RANGAP1: variants seen among roughly 807,000 people sequenced by gnomAD.
RANGAP1 encodes the protein Ran GTPase activating protein 1, also known as ran GTPase-activating protein 1.
RANGAP1 carries 38 observed loss-of-function variants against 63.5 expected under a neutral mutation model. That is an observed-to-expected ratio of 0.60 (90% CI 0.46 to 0.78). The LOEUF (loss-of-function observed/expected upper bound fraction) is 0.78, where lower values mean the gene tolerates loss of function less well. RANGAP1 is among the 30% of genes least tolerant of loss of function. RANGAP1 has a pLI of 0.00. For missense variants in RANGAP1, 630 were observed against 740.3 expected (o/e 0.85, Z 1.73); for synonymous variants, 329 against 310.5 (o/e 1.06, Z -0.63).
chr22:41,251,039 G>A lies in RANGAP1; in HGVS notation c.1451C>T (p.Ala484Val), dbSNP rs779219249. The A allele has an allele frequency of 2.5e-6, 4 of 1,614,058 alleles. No individual in the cohort carries two copies. In the African/African-American group the frequency reaches 4.0e-5, roughly 16 times the overall value. The change falls in exon 13 of 16, where the codon GCT (alanine) becomes GTT (valine). Residue 484 changes from alanine (A) to valine (V), a missense_variant. Ala to Val is a moderately conservative substitution (Grantham distance 64, BLOSUM62 0). This residue lies in a region of RANGAP1 where 428 missense variants were observed against 465.5 expected (regional missense o/e 0.92). Transcript: ENST00000356244. ...ATCCTGCACTGCCATCCTCACAGTA[G>A]CTTCGTCCTTGAACACAGATGACAC... ...LKVSSVFKDEATVRMAVQDAV... is the reference protein window; with the variant it reads ...LKVSSVFKDEVTVRMAVQDAV...
At chr22:41,270,998 A>T (rs1456736971) in intron 3 of RANGAP1, among the ~76,000 whole-genome samples, 1 of 151,848 alleles carries the variant, frequency 6.6e-6, no homozygotes. Context: ...GATTTAGCTG[A>T]CTCCAGCCAT....
At chr22:41,269,808 T>C (rs1196769518) in intron 3 of RANGAP1, among the ~76,000 whole-genome samples, 2 of 150,650 alleles carry the variant, frequency 1.3e-5, no homozygotes, top group African/African-American at 2.4e-5. Flanking sequence ...ATATTTAAGG[T>C]GATGGATACC....
At chr22:41,282,092 C>T (rs1439306591) in intron 1 of RANGAP1, 2 of 152,132 alleles carry the variant, frequency 1.3e-5, no homozygotes, top group Non-Finnish European at 2.9e-5. Context: ...CCACTGCACT[C>T]TAGCCTGGGT....
At chr22:41,247,580 G>A (rs1008648626) in intron 15 of RANGAP1, among the ~76,000 whole-genome samples, 4 of 152,132 alleles carry the variant, frequency 2.6e-5, no homozygotes, top group Admixed American at 6.6e-5. Context: ...TTGAACTCCC[G>A]GGCTCAAGTG....
At chr22:41,283,877 A>T (rs748737978) in intron 1 of RANGAP1, among the ~76,000 whole-genome samples, 2 of 145,578 alleles carry the variant, frequency 1.4e-5, no homozygotes, top group Non-Finnish European at 3.0e-5. Context: ...ACATTTTGAC[A>T]GGATCACTCT....
At chr22:41,283,810 A>G (rs781517126) in intron 1 of RANGAP1, among the ~76,000 whole-genome samples, 6 of 152,238 alleles carry the variant, frequency 3.9e-5, no homozygotes, top group Non-Finnish European at 5.9e-5. Context: ...GGCTTTCGCT[A>G]TAAGTGACAA....
chr22:41,268,088 T>C lies in RANGAP1; in HGVS notation c.300+9A>G. ...GCGCGTGGAGGGGAAGAGCGGCTAG[T>C]TCGCTTACCAGGGCTGGTGGGATCT... On this transcript the variant is annotated intron_variant, in intron 4 of 15. Coordinates refer to ENST00000356244, the MANE Select transcript of RANGAP1 (RefSeq NM_002883.4). 3 of 1,542,528 alleles carry C rather than the reference T, an allele frequency of 1.9e-6. No homozygotes were observed. The highest frequency in any genetic ancestry group is 8.8e-7 in the Non-Finnish European group (1 of 1,136,822).
At chr22:41,293,152 G>A in the RANGAP1 span, among the ~76,000 whole-genome samples, 1 of 150,670 alleles carries the variant, frequency 6.6e-6, no homozygotes, top group Non-Finnish European at 1.5e-5. Flanking sequence ...GGAGAATGGC[G>A]TGAACCCGGG....
chr22:41,289,649 A>G (rs946204151), upstream of RANGAP1, among the ~76,000 whole-genome samples: 1 of 152,114 alleles, frequency 6.6e-6, no homozygotes, highest in Non-Finnish European at 1.5e-5. Flanking sequence ...CACTGTTTCC[A>G]AGCAACACAC....
chr22:41,249,690 C>A (rs2033301828), intron 14 of RANGAP1, 39 bp downstream of exon 14: 1 of 1,584,620 alleles, frequency 6.3e-7, no homozygotes, highest in African/African-American at 1.3e-5. Flanking sequence ...CAGACCCCAC[C>A]CACCTCCCTC....
chr22:41,273,766 C>CAAAAAAAAAAAAA (rs71200678), intron 3 of RANGAP1, among the ~76,000 whole-genome samples: 356 of 24,358 alleles, frequency 0.015, 102 homozygotes, highest in Middle Eastern at 0.14. Context: ...GACTCCATCT[C>CAAAAAAAAAAAAA]AAAAAAAAAA....
At chr22:41,260,280 G>C (rs1388742723) in intron 6 of RANGAP1, among the ~76,000 whole-genome samples, 4 of 152,072 alleles carry the variant, frequency 2.6e-5, no homozygotes, top group Non-Finnish European at 5.9e-5. Flanking sequence ...CACAACCACA[G>C]CGCACCCCCT....
chr22:41,258,187 A>AGGCACAGGAATGGGCTGCCGCC, intron 6 of RANGAP1, 81 bp from the exon 7 acceptor site: 1 of 1,475,226 alleles, frequency 6.8e-7, no homozygotes, highest in East Asian at 2.4e-5. Flanking sequence ...TCCACACAGC[A>AGGCACAGGAATGGGCTGCCGCC]GGCACAGGAA....
At chr22:41,248,127 C>G (rs1352956878) in intron 15 of RANGAP1, among the ~76,000 whole-genome samples, 2 of 137,532 alleles carry the variant, frequency 1.5e-5, no homozygotes, top group African/African-American at 5.4e-5. Context: ...GGGCAAAGCT[C>G]GGCACTGCAG....
At chr22:41,250,722 C>T (rs535014462) in intron 13 of RANGAP1, among the ~76,000 whole-genome samples, 1 of 152,160 alleles carries the variant, frequency 6.6e-6, no homozygotes, top group Non-Finnish European at 1.5e-5. Flanking sequence ...GTCCATTGGG[C>T]TTGCAGATGT....
At chr22:41,252,193 G>A (rs901638363) in intron 12 of RANGAP1, among the ~76,000 whole-genome samples, 4 of 151,892 alleles carry the variant, frequency 2.6e-5, no homozygotes, top group African/African-American at 9.7e-5. Context: ...TTAGCTGGGC[G>A]CGGGAGGCTG....
chr22:41,281,793 AGCC>A (rs1426693581), intron 1 of RANGAP1: 1 of 266,624 alleles, frequency 3.8e-6, no homozygotes, highest in Non-Finnish European at 5.8e-6. Flanking sequence ...GGGGTTGATA[AGCC>A]TCACTATTTA....
chr22:41,287,659 C>A (rs1188862351), upstream of RANGAP1, among the ~76,000 whole-genome samples: 7 of 146,378 alleles, frequency 4.8e-5, no homozygotes, highest in African/African-American at 1.8e-4. Flanking sequence ...GACCTTGTCT[C>A]AAAAACTGAA....
chr22:41,280,272 C>T (rs531749680), intron 2 of RANGAP1, among the ~76,000 whole-genome samples: 2 of 152,282 alleles, frequency 1.3e-5, no homozygotes, highest in East Asian at 3.9e-4. Context: ...CAGACCAGTT[C>T]CCCTGGTTGG....
Sources: gnomAD v4.1 joint callset for allele counts (sites outside exome capture counted in the v4.1 genomes callset) on GRCh38, gnomAD v4.1.1 for gene constraint, gnomAD v4.1.1 regional missense constraint, MANE v1.5 for transcripts, NCBI Gene and HGNC (gene_info 2026-07-23, HGNC 2026-07-21) for gene names.